Variants in KCNQ5 observed in about 807,000 individuals in gnomAD.
KCNQ5 encodes the protein potassium voltage-gated channel subfamily Q member 5.
Under a neutral mutation model 98.2 loss-of-function variants are expected in KCNQ5, and 30 were observed. The observed-to-expected ratio is 0.31, with a 90% CI of 0.23 to 0.41. The LOEUF (loss-of-function observed/expected upper bound fraction) is 0.41, where lower values mean the gene tolerates loss of function less well. Among genes scored for constraint, KCNQ5 ranks in the 10% least tolerant of loss-of-function variants. The pLI is 1.00. For missense variants in KCNQ5, 835 were observed against 1,182.5 expected (o/e 0.71, Z 4.31); for synonymous variants, 458 against 449.4 (o/e 1.02, Z -0.24).
Position 72,937,919 on chromosome 6 carries a change from A to G in KCNQ5, c.399-65989A>G, listed in dbSNP as rs117252857. ...CTAATTTGACCATGATGGAGTTAATACTGGCTATGTAGTCAAAAGGCTTTA... is the reference window on the plus strand; with the variant it reads ...CTAATTTGACCATGATGGAGTTAATGCTGGCTATGTAGTCAAAAGGCTTTA... On this transcript the variant is annotated intron_variant, in intron 1 of 13. Coordinates refer to ENST00000370398, the MANE Select transcript of KCNQ5 (RefSeq NM_019842.4). Among the ~76,000 whole-genome samples the G allele has an allele frequency of 2.7e-3, 416 of 152,316 alleles. 4 individuals carry two copies. The highest frequency in any genetic ancestry group is 0.022 in the East Asian group (115 of 5,182).
intron 1 of KCNQ5, among the ~76,000 whole-genome samples, chr6:72,765,159 A>G (rs1050198980): frequency 2.0e-5 from 3 of 152,018 alleles, no homozygotes; most frequent in African/African-American, 7.2e-5. Context: ...TCTGGATCAT[A>G]TGGTAGCTCA....
intron 1 of KCNQ5, among the ~76,000 whole-genome samples, chr6:72,943,243 A>AG (rs1766389012): frequency 1.3e-5 from 2 of 152,214 alleles, no homozygotes; most frequent in Admixed American, 1.3e-4. Context: ...GAATCTGCAT[A>AG]AATATATCCT....
chr6:72,735,369 A>G (rs906872801), intron 1 of KCNQ5, among the ~76,000 whole-genome samples: 4 of 152,184 alleles, frequency 2.6e-5, no homozygotes, highest in Admixed American at 6.5e-5. Context: ...CATTATTTGC[A>G]TTTTAGATGT....
chr6:72,745,601 G>T (rs1204629021), intron 1 of KCNQ5, among the ~76,000 whole-genome samples: 1 of 152,186 alleles, frequency 6.6e-6, no homozygotes, highest in Non-Finnish European at 1.5e-5. Flanking sequence ...TTTGAGACAA[G>T]AATTAAGATT....
chr6:72,657,932 T>A (rs982571855), intron 1 of KCNQ5, among the ~76,000 whole-genome samples: 2 of 152,244 alleles, frequency 1.3e-5, no homozygotes, highest in Non-Finnish European at 2.9e-5. Flanking sequence ...TGAGGCCACA[T>A]TAAGATGTAA....
intron 10 of KCNQ5, chr6:73,157,912 GC>G: frequency 3.9e-6 from 3 of 775,224 alleles, no homozygotes; most frequent in Non-Finnish European, 2.4e-6. Context: ...TTCTGCTCCT[GC>G]CCCGCTGTCA....
At position 72,684,010 on chromosome 6, in the gene KCNQ5, G is replaced by T. The variant is rs536539748; in HGVS notation, c.398+61423G>T. Reference sequence around the variant, plus strand: ...TGAGACTTAGCTTACCAACCCACATGGTCAATATCAACACACAGGTCTTTT... The same window carrying T: ...TGAGACTTAGCTTACCAACCCACATTGTCAATATCAACACACAGGTCTTTT... On this transcript the variant is annotated intron_variant, in intron 1 of 13. Coordinates refer to ENST00000370398, the MANE Select transcript of KCNQ5 (RefSeq NM_019842.4). Among the ~76,000 whole-genome samples the T allele has an allele frequency of 1.5e-4, 23 of 152,152 alleles. No homozygotes were observed. In the South Asian group the frequency reaches 4.8e-3, roughly 32 times the overall value.
At chr6:72,940,238 A>G (rs925161222) in intron 1 of KCNQ5, among the ~76,000 whole-genome samples, 1 of 152,238 alleles carries the variant, frequency 6.6e-6, no homozygotes, top group Admixed American at 6.5e-5. Flanking sequence ...AGAAGATTTA[A>G]TAATTTGACA....
intron 1 of KCNQ5, among the ~76,000 whole-genome samples, chr6:72,670,334 T>A (rs770365269): frequency 6.6e-6 from 1 of 152,234 alleles, no homozygotes; most frequent in Non-Finnish European, 1.5e-5. Flanking sequence ...CTTTCACCAG[T>A]GTTGCCTTTA....
At chr6:72,654,986 CCTT>C (rs1278299951) in intron 1 of KCNQ5, among the ~76,000 whole-genome samples, 1 of 151,966 alleles carries the variant, frequency 6.6e-6, no homozygotes, top group Non-Finnish European at 1.5e-5. Flanking sequence ...ACACTGCTTA[CCTT>C]CTTTTTGTTT....
chr6:72,628,011 A>G (rs926215311), intron 1 of KCNQ5, among the ~76,000 whole-genome samples: 2 of 152,150 alleles, frequency 1.3e-5, no homozygotes, highest in Non-Finnish European at 2.9e-5. Flanking sequence ...TTGTACTGTC[A>G]TCGTGGGCTA....
intron 3 of KCNQ5, 98 bp from the exon 4 acceptor site, chr6:73,077,224 C>A: frequency 8.2e-7 from 1 of 1,219,400 alleles, no homozygotes; most frequent in Non-Finnish European, 1.2e-6. Flanking sequence ...TTTATCTGTA[C>A]CTTAAATAGG....
intron 1 of KCNQ5, among the ~76,000 whole-genome samples, chr6:72,849,776 T>C (rs1055775330): frequency 5.9e-5 from 9 of 152,204 alleles, no homozygotes; most frequent in Admixed American, 5.2e-4. Flanking sequence ...CTTTGAAACA[T>C]TGATCCTGTC....
At chr6:72,879,152 T>C (rs572062730) in intron 1 of KCNQ5, among the ~76,000 whole-genome samples, 1 of 152,330 alleles carries the variant, frequency 6.6e-6, no homozygotes, top group Non-Finnish European at 1.5e-5. Flanking sequence ...ATTTTTAGGT[T>C]ATAGGTTCTG....
chr6:73,055,835 CCCAGGGCAA>C, intron 3 of KCNQ5: 1 of 733,114 alleles, frequency 1.4e-6, no homozygotes, highest in East Asian at 3.2e-5. Context: ...GTTGTGGCTG[CCCAGGGCAA>C]AGCCAAGAAG....
intron 1 of KCNQ5, among the ~76,000 whole-genome samples, chr6:72,726,212 T>TAAAA (rs1561944403): frequency 5.5e-5 from 8 of 144,846 alleles, no homozygotes; most frequent in Admixed American, 2.0e-4. Context: ...ATTTAAATTT[T>TAAAA]TTTTTTTTTT....
At chr6:73,120,107 A>G (rs940410522) in intron 7 of KCNQ5, among the ~76,000 whole-genome samples, 2 of 150,034 alleles carry the variant, frequency 1.3e-5, no homozygotes, top group Admixed American at 1.3e-4. Context: ...ATAGCCAGGC[A>G]TGGTGGTGGG....
Position 72,734,083 on chromosome 6 carries a change from T to C in KCNQ5, c.398+111496T>C, listed in dbSNP as rs75292400. Reference sequence around the variant, plus strand: ...AGAGAATGAAGACAAAAGACCAACATGGTTAATTGTGTGGGATGGGCTTGA... The same window carrying C: ...AGAGAATGAAGACAAAAGACCAACACGGTTAATTGTGTGGGATGGGCTTGA... On this transcript the variant is annotated intron_variant, in intron 1 of 13. Coordinates refer to ENST00000370398, the MANE Select transcript of KCNQ5 (RefSeq NM_019842.4). 3.2e-3 allele frequency among the ~76,000 whole-genome samples: 492 copies of C among 152,216 alleles called. 4 individuals carry two copies. Among genetic ancestry groups the C allele is most frequent in the African/African-American group, 0.011 (476 of 41,524 alleles).
chr6:72,834,049 G>A (rs1776401614), intron 1 of KCNQ5, among the ~76,000 whole-genome samples: 1 of 152,074 alleles, frequency 6.6e-6, no homozygotes, highest in Admixed American at 6.6e-5. Context: ...TAGAGGAATA[G>A]GATGGGGAAG....
Sources: allele counts gnomAD v4.1 joint callset (sites outside exome capture counted in the v4.1 genomes callset), GRCh38; gene constraint gnomAD v4.1.1; transcripts MANE v1.5; gene names NCBI Gene and HGNC (gene_info 2026-07-23, HGNC 2026-07-21).